CNGB3: variants seen among roughly 807,000 people sequenced by gnomAD.
The protein encoded by CNGB3 is cyclic nucleotide-gated channel beta-3.
In CNGB3, 86 loss-of-function variants were observed where a neutral mutation model predicts 92.8. That is an observed-to-expected ratio of 0.93 (90% CI 0.78 to 1.11). The LOEUF (loss-of-function observed/expected upper bound fraction) is 1.11, where lower values mean the gene tolerates loss of function less well. CNGB3 is among the 50% of genes least tolerant of loss of function. The pLI, the probability that CNGB3 is intolerant of heterozygous loss-of-function variation, is 0.00. For synonymous variants in CNGB3, 333 were observed against 332.7 expected (o/e 1.00, Z -0.01); for missense variants, 1,026 against 956.8 (o/e 1.07, Z -0.95).
rs199726942 is a variant in CNGB3, at chr8:86,579,108, G to C, written c.1926C>G (p.Ala642=). Residue 642 remains alanine (A), a splice_region_variant and synonymous_variant, in exon 16 of 18, where the codon GCC becomes GCG. Coordinates refer to ENST00000320005, the MANE Select transcript of CNGB3 (RefSeq NM_019098.5). ...TAATGGTGTTTTAAAGGTTGTACCT[G>C]GCTTTCTTCATGAGGATCCTTTCAG... ...PDSERILMKK[A]RVLLKQKAKT... 1.2e-6 allele frequency: 2 copies of C among 1,614,090 alleles called. No individual in the cohort carries two copies. Among genetic ancestry groups the C allele is most frequent in the Non-Finnish European group, 1.7e-6 (2 of 1,180,018 alleles).
chr8:86,739,402 A>T (rs6983426), intron 2 of CNGB3, among the ~76,000 whole-genome samples: 9,664 of 152,262 alleles, frequency 0.063, 536 homozygotes, highest in African/African-American at 0.15. Context: ...CATGTTGCTC[A>T]TTACTGCACC....
At chr8:86,650,261 A>G (rs1823375270) in intron 7 of CNGB3, among the ~76,000 whole-genome samples, 1 of 151,436 alleles carries the variant, frequency 6.6e-6, no homozygotes, top group Admixed American at 6.6e-5. Context: ...CTTTCTATTC[A>G]ATTGCTCAAC....
intron 2 of CNGB3, among the ~76,000 whole-genome samples, chr8:86,727,794 A>G (rs1825087435): frequency 6.6e-6 from 1 of 152,144 alleles, no homozygotes; most frequent in African/African-American, 2.4e-5. Flanking sequence ...GGCCCAAATC[A>G]TCATTTTATT....
At position 86,575,690 on chromosome 8, in the gene CNGB3, C is replaced by G; in HGVS notation, c.*114G>C. ...TCCTAGAAACTAAGCTAGGGATTTGCCTTTCGTTTCTCAAGGGTCCCAGCA... is the reference window on the plus strand; with the variant it reads ...TCCTAGAAACTAAGCTAGGGATTTGGCTTTCGTTTCTCAAGGGTCCCAGCA... On this transcript the variant is annotated 3_prime_UTR_variant, in exon 18 of 18. Coordinates refer to ENST00000320005, the MANE Select transcript of CNGB3 (RefSeq NM_019098.5). The G allele has an allele frequency of 1.2e-6, 1 of 834,998 alleles. No individual in the cohort carries two copies. The highest frequency in any genetic ancestry group is 1.9e-6 in the Non-Finnish European group (1 of 523,678). The allele number at this position is 834,998 out of a possible 1,614,324, so 51.7% of individuals were successfully genotyped here. A position where few individuals can be genotyped will look rare whatever the true frequency, so the allele number is the denominator to read the frequency against.
chr8:86,674,765 G>A (rs74887648), intron 3 of CNGB3, among the ~76,000 whole-genome samples: 1 of 152,102 alleles, frequency 6.6e-6, no homozygotes, highest in Non-Finnish European at 1.5e-5. Context: ...TTTTGTGTGT[G>A]TGTGTGAGAT....
intron 3 of CNGB3, among the ~76,000 whole-genome samples, chr8:86,714,129 A>G (rs1260886429): frequency 6.6e-6 from 1 of 152,138 alleles, no homozygotes; most frequent in Non-Finnish European, 1.5e-5. Flanking sequence ...ATAGTATCAC[A>G]CTGAGTTGTT....
At chr8:86,668,660 T>A (rs951686195) in intron 4 of CNGB3, among the ~76,000 whole-genome samples, 1 of 148,768 alleles carries the variant, frequency 6.7e-6, no homozygotes, top group Non-Finnish European at 1.5e-5. Context: ...GGAAAAACAA[T>A]TTTTAAAATA....
intron 3 of CNGB3, among the ~76,000 whole-genome samples, chr8:86,680,727 A>T (rs1353308130): frequency 6.6e-6 from 1 of 152,090 alleles, no homozygotes; most frequent in African/African-American, 2.4e-5. Flanking sequence ...TTTCCCTCAT[A>T]GTGTAGAAAG....
rs185848224 is a variant in CNGB3, at chr8:86,606,528, T to A, written c.1663-2317A>T. On this transcript the variant is annotated intron_variant, in intron 14 of 17. Transcript: ENST00000320005. Reference sequence around the variant, plus strand: ...TTCCAATATAGATGGATCTTATATTTATTTACATACTATTAATGCTAATAA... The same window carrying A: ...TTCCAATATAGATGGATCTTATATTAATTTACATACTATTAATGCTAATAA... Among the ~76,000 whole-genome samples the A allele has an allele frequency of 2.1e-3, 321 of 152,332 alleles. 1 individual carries two copies. The highest frequency in any genetic ancestry group is 0.013 in the South Asian group (63 of 4,828).
chr8:86,735,144 C>CTT (rs10689543), intron 2 of CNGB3, among the ~76,000 whole-genome samples: 1 of 81,270 alleles, frequency 1.2e-5, no homozygotes, highest in African/African-American at 5.4e-5. Flanking sequence ...AAATGGTTGC[C>CTT]TTTTTTTTTT....
chr8:86,713,569 G>T (rs13270200), intron 3 of CNGB3, among the ~76,000 whole-genome samples: 28,856 of 152,070 alleles, frequency 0.19, 3,366 homozygotes, highest in South Asian at 0.3. Flanking sequence ...ATTCATAAAT[G>T]AAGATAAATA....
At chr8:86,594,291 C>T in intron 15 of CNGB3, 1 of 282,392 alleles carries the variant, frequency 3.5e-6, no homozygotes, top group Non-Finnish European at 6.9e-6. Flanking sequence ...ATCTGGAAGG[C>T]TTGGAAGGAG....
At chr8:86,592,214 G>A (rs1027529502) in intron 15 of CNGB3, among the ~76,000 whole-genome samples, 4 of 152,140 alleles carry the variant, frequency 2.6e-5, no homozygotes, top group Middle Eastern at 3.2e-3. Context: ...CACGGTGCGC[G>A]CACCCACTGA....
At chr8:86,742,964 A>G (rs1825367883) in intron 1 of CNGB3, among the ~76,000 whole-genome samples, 1 of 152,196 alleles carries the variant, frequency 6.6e-6, no homozygotes, top group East Asian at 1.9e-4. Context: ...TGTCCTGTAC[A>G]TGATAGGATG....
rs60107723 is a variant in CNGB3, at chr8:86,735,042, GTTTTTTTTTTTTTTTTT to G, written c.211+4596_211+4612del. ...CATGTCAAATTCTCAAATGCCGGTG[GTTTTTTTTTTTTTTTTT>G]TTTTTTTTTTTGTATGGTATACTGC... is the stretch of plus-strand genomic sequence containing the variant. On this transcript the variant is annotated intron_variant, in intron 2 of 17. Coordinates refer to ENST00000320005, the MANE Select transcript of CNGB3 (RefSeq NM_019098.5). Among the ~76,000 whole-genome samples, 19 of 85,872 alleles carry G rather than the reference GTTTTTTTTTTTTTTTTT, an allele frequency of 2.2e-4. No homozygotes were observed. In the East Asian group the frequency reaches 4.2e-3, roughly 19 times the overall value. 56.3% of individuals were successfully genotyped at this position (85,872 alleles called of 152,430 possible).
At chr8:86,734,131 T>C (rs113894260) in intron 2 of CNGB3, among the ~76,000 whole-genome samples, 5 of 152,288 alleles carry the variant, frequency 3.3e-5, no homozygotes, top group African/African-American at 1.2e-4. Context: ...GCACTGGGAT[T>C]ACAGGCATGA....
chr8:86,626,162 A>T (rs1239153005), intron 12 of CNGB3, 82 bp from the exon 13 acceptor site: 12 of 1,008,802 alleles, frequency 1.2e-5, no homozygotes, highest in Admixed American at 5.8e-5. Flanking sequence ...AAAAATTTTT[A>T]AAATAAAGGA....
chr8:86,610,112 A>G (rs1164982589), intron 14 of CNGB3, among the ~76,000 whole-genome samples: 1 of 152,186 alleles, frequency 6.6e-6, no homozygotes, highest in African/African-American at 2.4e-5. Flanking sequence ...AGGAGTTTTA[A>G]ATAATACTGG....
intron 13 of CNGB3, among the ~76,000 whole-genome samples, chr8:86,623,892 A>G (rs1214839287): frequency 1.3e-5 from 2 of 152,258 alleles, no homozygotes; most frequent in African/African-American, 4.8e-5. Context: ...GGGTTTGAAT[A>G]TACCCAATAT....
Sources: allele counts gnomAD v4.1 joint callset (sites outside exome capture counted in the v4.1 genomes callset), GRCh38; gene constraint gnomAD v4.1.1; transcripts MANE v1.5; gene names NCBI Gene and HGNC (gene_info 2026-07-23, HGNC 2026-07-21).